FAIM2: variants seen among roughly 807,000 people sequenced by gnomAD.
FAIM2 encodes the protein protein lifeguard 2.
A neutral mutation model predicts 47.4 loss-of-function variants in FAIM2; 27 were observed. That is an observed-to-expected ratio of 0.57 (90% CI 0.42 to 0.78). The LOEUF is 0.78. FAIM2 is among the 30% of genes least tolerant of loss of function. FAIM2 has a pLI of 0.00. For synonymous variants in FAIM2, 156 were observed against 159.3 expected (o/e 0.98, Z 0.16); for missense variants, 311 against 389.4 (o/e 0.80, Z 1.69).
At chr12:49,878,280 C>G (rs62648565) in intron 11 of FAIM2, among the ~76,000 whole-genome samples, 89,141 of 125,518 alleles carry the variant, frequency 0.71, 35,391 homozygotes, top group African/African-American at 0.82. Flanking sequence ...GTCCATGTGT[C>G]TATATGTGAG....
intron 7 of FAIM2, among the ~76,000 whole-genome samples, 190 bp downstream of exon 7, chr12:49,890,493 G>T (rs567658625): frequency 1.3e-5 from 2 of 152,220 alleles, no homozygotes; most frequent in Admixed American, 6.5e-5. Flanking sequence ...GAACGGGCAA[G>T]ATTAAGCCCA....
chr12:49,898,341 C>T (rs531867379), intron 2 of FAIM2, among the ~76,000 whole-genome samples: 1 of 152,394 alleles, frequency 6.6e-6, no homozygotes, highest in South Asian at 2.1e-4. Flanking sequence ...TCTCCCTCCA[C>T]CCCGGCTGGG....
Position 49,874,764 on chromosome 12 carries a change from T to A in FAIM2, c.802-4111A>T, listed in dbSNP as rs917374570. 5.9e-5 allele frequency among the ~76,000 whole-genome samples: 9 copies of A among 152,356 alleles called. 1 individual carries two copies. The highest frequency in any genetic ancestry group is 5.2e-4 in the Admixed American group (8 of 15,308). ...TGTCTGTCCTGCATAAATGCCAGTG[T>A]GAGGGCGTGTGGAGGCAACCCCCAG... On this transcript the variant is annotated intron_variant, in intron 11 of 11. Coordinates refer to ENST00000320634, the MANE Select transcript of FAIM2 (RefSeq NM_012306.4). The surrounding 1 kb of genome is among the most constrained non-coding windows in gnomAD (Gnocchi z 4.2).
chr12:49,903,360 TAA>T (rs1946611392), intron 1 of FAIM2, among the ~76,000 whole-genome samples: 1 of 152,124 alleles, frequency 6.6e-6, no homozygotes, highest in Admixed American at 6.5e-5. Flanking sequence ...AAGATGAGCA[TAA>T]AGTGGTTGGG....
intron 2 of FAIM2, among the ~76,000 whole-genome samples, chr12:49,899,823 C>G (rs1043980578): frequency 3.9e-5 from 6 of 152,238 alleles, no homozygotes; most frequent in Admixed American, 2.6e-4. Flanking sequence ...TCCTCCGAAA[C>G]AAACCCAGAC....
chr12:49,873,364 T>C (rs991601160), intron 11 of FAIM2, among the ~76,000 whole-genome samples: 3 of 152,114 alleles, frequency 2.0e-5, no homozygotes, highest in Non-Finnish European at 4.4e-5. Context: ...GTATGATTTC[T>C]CTCCATTCCG....
chr12:49,874,791 CTGT>C lies in FAIM2; in HGVS notation c.802-4141_802-4139del, dbSNP rs1946724888. Among the ~76,000 whole-genome samples the C allele has an allele frequency of 6.6e-6, 1 of 152,180 alleles. No individual in the cohort carries two copies. The highest frequency in any genetic ancestry group is 1.5e-5 in the Non-Finnish European group (1 of 68,032). ...AGGGCGTGTGGAGGCAACCCCCAGG[CTGT>C]TGTTTACAGCATTGGTTCTAACAGT... On this transcript the variant is annotated intron_variant, in intron 11 of 11. Transcript: ENST00000320634. The surrounding 1 kb of genome is among the most constrained non-coding windows in gnomAD (Gnocchi z 4.2).
chr12:49,892,306 C>T (rs1041450991), intron 5 of FAIM2, among the ~76,000 whole-genome samples: 3 of 152,142 alleles, frequency 2.0e-5, no homozygotes, highest in Non-Finnish European at 4.4e-5. Flanking sequence ...ACTGGTACCT[C>T]TCCTCCCACA....
chr12:49,880,556 G>GTATA (rs1565615117), intron 11 of FAIM2, among the ~76,000 whole-genome samples: 2 of 10,086 alleles, frequency 2.0e-4, no homozygotes, highest in African/African-American at 2.1e-3. Flanking sequence ...GCATGCGTGT[G>GTATA]TGTGCATGTG....
Position 49,889,509 on chromosome 12 carries a change from G to A in FAIM2, c.623C>T (p.Ser208Leu). The A allele has an allele frequency of 6.2e-7, 1 of 1,614,082 alleles. No homozygotes were observed. The highest frequency in any genetic ancestry group is 8.5e-7 in the Non-Finnish European group (1 of 1,179,992). ...GGTCTGGAAGCTGAAGACGGTGACTGAGAGGCAGACAAGGGCCGTGATGCC... is the reference window on the plus strand; with the variant it reads ...GGTCTGGAAGCTGAAGACGGTGACTAAGAGGCAGACAAGGGCCGTGATGCC... ...CLGITALVCL[S>L]VTVFSFQTKF... is the part of the protein sequence containing the mutation. The change falls in exon 9 of 12, where the codon TCA becomes TTA. Residue 208 changes from serine to leucine, a missense_variant. By Grantham distance (145) the Ser-to-Leu change is moderately radical. Transcript: ENST00000320634.
At chr12:49,886,583 C>A (rs1006311777) in intron 11 of FAIM2, among the ~76,000 whole-genome samples, 1 of 152,172 alleles carries the variant, frequency 6.6e-6, no homozygotes, top group African/African-American at 2.4e-5. Context: ...TCACACCATT[C>A]TCCTGCCTCA....
At chr12:49,882,289 G>A (rs1946831637) in intron 11 of FAIM2, among the ~76,000 whole-genome samples, 1 of 152,196 alleles carries the variant, frequency 6.6e-6, no homozygotes, top group Admixed American at 6.5e-5. Context: ...GGGATAGGCT[G>A]GAGCTAGGGG....
Position 49,870,339 on chromosome 12 carries a change from G to T in FAIM2, c.*165C>A. ...CTCAGTTCCTCAGGGTCCCCATGGCGTATGTACAAGCGGCAGAGGGCTGGG... is the reference window on the plus strand; with the variant it reads ...CTCAGTTCCTCAGGGTCCCCATGGCTTATGTACAAGCGGCAGAGGGCTGGG... On this transcript the variant is annotated 3_prime_UTR_variant, in exon 12 of 12. Transcript: ENST00000320634. 1 of 629,302 alleles carries T rather than the reference G, an allele frequency of 1.6e-6. No individual in the cohort carries two copies. Among genetic ancestry groups the T allele is most frequent in the Non-Finnish European group, 2.8e-6 (1 of 361,110 alleles). 39.0% of individuals were successfully genotyped at this position (629,302 alleles called of 1,614,324 possible). A position where few individuals can be genotyped will look rare whatever the true frequency, so the allele number is the denominator to read the frequency against.
intron 5 of FAIM2, among the ~76,000 whole-genome samples, chr12:49,892,162 G>C (rs1410813303): frequency 6.6e-6 from 1 of 152,056 alleles, no homozygotes; most frequent in Non-Finnish European, 1.5e-5. Context: ...GAAATGAGGT[G>C]AGCTCCCTTG....
At chr12:49,898,184 A>G (rs1946953706) in intron 2 of FAIM2, 94 bp from the exon 3 acceptor site, 1 of 914,054 alleles carries the variant, frequency 1.1e-6, no homozygotes, top group South Asian at 1.3e-5. Flanking sequence ...CTTTTTGTCA[A>G]CCTGGCTCTC....
In FAIM2 at chr12:49,876,771, A is replaced by T. The variant is rs187216684; in HGVS notation, c.802-6118T>A. On this transcript the variant is annotated intron_variant, in intron 11 of 11. Coordinates refer to ENST00000320634, the MANE Select transcript of FAIM2 (RefSeq NM_012306.4). The stretch of plus-strand genomic sequence containing the variant: ...TGGGTGACAGAGCGAGACTCCATTT[A>T]AAAAAAAAAAGAGTAAAAGCTGTCA... Among the ~76,000 whole-genome samples the T allele has an allele frequency of 8.8e-3, 1,295 of 146,762 alleles. 16 individuals carry two copies. Among genetic ancestry groups the T allele is most frequent in the African/African-American group, 0.03 (1,227 of 40,348 alleles).
intron 2 of FAIM2, 90 bp from the exon 3 acceptor site, chr12:49,898,180 G>A: frequency 5.6e-6 from 4 of 714,808 alleles, no homozygotes; most frequent in Non-Finnish European, 8.8e-6. Flanking sequence ...CTGCCTTTTT[G>A]TCAACCTGGC....
chr12:49,868,002 T>C lies in FAIM2; in HGVS notation c.*2502A>G, dbSNP rs1166626951. On this transcript the variant is annotated 3_prime_UTR_variant, in exon 12 of 12. Coordinates refer to ENST00000320634, the MANE Select transcript of FAIM2 (RefSeq NM_012306.4). ...GCTGTGATGCGTGTGTGACACTGTT[T>C]ATTGCCGAGGACCTGTCCCTCCTCC... The C allele has an allele frequency of 6.5e-6, 1 of 154,262 alleles. No homozygotes were observed. Among genetic ancestry groups the C allele is most frequent in the Non-Finnish European group, 1.4e-5 (1 of 69,280 alleles). The allele number at this position is 154,262 out of a possible 1,614,324, so 9.6% of individuals were successfully genotyped here. A position where few individuals can be genotyped will look rare whatever the true frequency, so the allele number is the denominator to read the frequency against.
intron 11 of FAIM2, among the ~76,000 whole-genome samples, chr12:49,880,830 TTATGTGAGTG>T (rs1368579555): frequency 1.3e-5 from 2 of 151,056 alleles, no homozygotes; most frequent in Non-Finnish European, 3.0e-5. Context: ...ATATGTGAGT[TTATGTGAGTG>T]TATGTATATG....
Sources: gnomAD v4.1 joint callset for allele counts (sites outside exome capture counted in the v4.1 genomes callset) on GRCh38, gnomAD v4.1.1 for gene constraint, Gnocchi (gnomAD v3.1) non-coding constraint, MANE v1.5 for transcripts, NCBI Gene and HGNC (gene_info 2026-07-23, HGNC 2026-07-21) for gene names.